The following TENM3 variants were observed in gnomAD, a reference collection of about 807,000 sequenced individuals.
TENM3 encodes the protein teneurin-3.
TENM3 carries 63 observed loss-of-function variants against 255.1 expected under a neutral mutation model. The ratio of observed to expected loss-of-function variants is 0.25; its 90% CI spans 0.20 to 0.30. The LOEUF (loss-of-function observed/expected upper bound fraction) is 0.30. Ranked by LOEUF, TENM3 falls within the 10% of genes least tolerant of loss-of-function variation. The probability of loss-of-function intolerance (pLI) is 1.00; values close to 1 mark genes in which losing one functional copy is unlikely to be tolerated. For synonymous variants in TENM3, 1,306 were observed against 1,322.3 expected, an observed-to-expected ratio of 0.99 and a Z score of 0.27; for missense variants, 2,929 against 3,461.1, an observed-to-expected ratio of 0.85 and a Z score of 3.86.
chr4:182,720,410 TC>T (rs1427744405), intron 13 of TENM3, among the ~76,000 whole-genome samples: 1 of 151,906 alleles, frequency 6.6e-6, no homozygotes, highest in East Asian at 1.9e-4. Flanking sequence ...CCAAAATGAA[TC>T]CAGATATTAT....
the TENM3 span, among the ~76,000 whole-genome samples, chr4:181,591,232 G>A: frequency 1.3e-5 from 2 of 152,110 alleles, no homozygotes; most frequent in South Asian, 2.1e-4. Flanking sequence ...ACCAAGTGTT[G>A]GCAAGAATGT....
chr4:182,449,708 T>C (rs1217882541), intron 3 of TENM3, among the ~76,000 whole-genome samples: 1 of 152,240 alleles, frequency 6.6e-6, no homozygotes, highest in Admixed American at 6.5e-5. Context: ...ATAAGCTTGC[T>C]CATTAAAGAG....
chr4:182,397,928 G>A (rs900024210), intron 3 of TENM3, among the ~76,000 whole-genome samples: 3 of 152,172 alleles, frequency 2.0e-5, no homozygotes, highest in African/African-American at 7.2e-5. Flanking sequence ...TAGGTTAGAC[G>A]CAGTGGTGAT....
chr4:182,270,736 G>A (rs933712491), intron 1 of TENM3, among the ~76,000 whole-genome samples: 2 of 152,230 alleles, frequency 1.3e-5, no homozygotes, highest in African/African-American at 4.8e-5. Flanking sequence ...TTCAGGAAAT[G>A]TTTGTGTATA....
chr4:182,025,091 C>T, the TENM3 span, among the ~76,000 whole-genome samples: 16 of 146,074 alleles, frequency 1.1e-4, 1 homozygote, highest in African/African-American at 2.9e-4. Context: ...TGCAGTGGCG[C>T]GACCTCGGCT....
Position 182,789,508 on chromosome 4 carries a change from GA to G in TENM3, c.5601+121del. ...CATGACTGAGTTCCATTTGTTATTC[GA>G]AGTATCAATACGGAAGTCACATTGG... On this transcript the variant is annotated intron_variant, in intron 25 of 27. Coordinates refer to ENST00000511685, the MANE Select transcript of TENM3 (RefSeq NM_001080477.4). The surrounding 1 kb of genome is among the most constrained non-coding windows in gnomAD (Gnocchi z 4.4). 1 of 975,198 alleles carries G rather than the reference GA, an allele frequency of 1.0e-6. No individual in the cohort carries two copies. Among genetic ancestry groups the G allele is most frequent in the East Asian group, 2.6e-5 (1 of 37,940 alleles). 60.4% of individuals were successfully genotyped at this position (975,198 alleles called of 1,614,324 possible). A position where few individuals can be genotyped will look rare whatever the true frequency, so the allele number is the denominator to read the frequency against.
chr4:182,160,405 C>A (rs951497101), intron 1 of TENM3, among the ~76,000 whole-genome samples: 2 of 152,046 alleles, frequency 1.3e-5, no homozygotes, highest in East Asian at 1.9e-4. Context: ...TTTAGAGATT[C>A]CAGAAAAATG....
At chr4:182,389,490 T>C (rs1768253481) in intron 3 of TENM3, among the ~76,000 whole-genome samples, 1 of 151,850 alleles carries the variant, frequency 6.6e-6, no homozygotes, top group Admixed American at 6.6e-5. Flanking sequence ...AAATTACATA[T>C]AATTACTTTA....
At chr4:181,523,191 T>C in the TENM3 span, among the ~76,000 whole-genome samples, 1 of 152,168 alleles carries the variant, frequency 6.6e-6, no homozygotes. Context: ...ATCTCAACAT[T>C]TGACCACAAG....
the TENM3 span, among the ~76,000 whole-genome samples, chr4:181,887,518 T>C: frequency 1.3e-5 from 2 of 152,230 alleles, no homozygotes; most frequent in African/African-American, 4.8e-5. Flanking sequence ...TGTGCCTCTC[T>C]ATCCAGTCTT....
chr4:181,912,030 C>T, the TENM3 span, among the ~76,000 whole-genome samples: 59 of 152,286 alleles, frequency 3.9e-4, 1 homozygote, highest in African/African-American at 1.2e-3. Context: ...TAGGATCATA[C>T]GCCGGGGATA....
At chr4:181,567,072 T>C in the TENM3 span, among the ~76,000 whole-genome samples, 1 of 152,106 alleles carries the variant, frequency 6.6e-6, no homozygotes, top group Non-Finnish European at 1.5e-5. Context: ...ATATGAGGGA[T>C]TCGTGCAAAT....
the TENM3 span, among the ~76,000 whole-genome samples, chr4:181,483,516 G>A: frequency 6.6e-6 from 1 of 152,038 alleles, no homozygotes; most frequent in African/African-American, 2.4e-5. Context: ...CCAAAGAATT[G>A]AAAACAAAAG....
chr4:181,943,789 C>G, the TENM3 span, among the ~76,000 whole-genome samples: 1 of 152,176 alleles, frequency 6.6e-6, no homozygotes, highest in Admixed American at 6.5e-5. Flanking sequence ...GCCTGATCAG[C>G]TGACACAGCA....
chr4:181,580,334 G>T, the TENM3 span, among the ~76,000 whole-genome samples: 1 of 152,046 alleles, frequency 6.6e-6, no homozygotes, highest in Non-Finnish European at 1.5e-5. Context: ...GCACACGGTG[G>T]TGGCTTCCCC....
chr4:181,613,822 T>A, the TENM3 span, among the ~76,000 whole-genome samples: 60 of 152,198 alleles, frequency 3.9e-4, no homozygotes, highest in Non-Finnish European at 7.6e-4. Flanking sequence ...GATTTAACTT[T>A]TTTACTCTTA....
chr4:181,575,142 G>A, the TENM3 span, among the ~76,000 whole-genome samples: 1 of 152,008 alleles, frequency 6.6e-6, no homozygotes, highest in Non-Finnish European at 1.5e-5. Context: ...TCCATCAGGA[G>A]TTTAAGTTTT....
the TENM3 span, among the ~76,000 whole-genome samples, chr4:181,539,662 A>C: frequency 2.6e-5 from 4 of 152,220 alleles, no homozygotes; most frequent in Admixed American, 2.6e-4. Context: ...GAAGTAGGCA[A>C]ATAATTGATA....
the TENM3 span, among the ~76,000 whole-genome samples, chr4:181,499,237 T>C: frequency 0.19 from 29,107 of 152,130 alleles, 3,303 homozygotes; most frequent in Non-Finnish European, 0.25. Context: ...CTGACAGTCA[T>C]AAGCAAATGG....
Sources: allele counts gnomAD v4.1 joint callset (sites outside exome capture counted in the v4.1 genomes callset), GRCh38; gene constraint gnomAD v4.1.1; non-coding constraint Gnocchi (gnomAD v3.1); transcripts MANE v1.5; gene names NCBI Gene and HGNC (gene_info 2026-07-23, HGNC 2026-07-21).